BBX: variants seen among roughly 807,000 people sequenced by gnomAD.
BBX encodes the protein HMG box transcription factor BBX.
Under a neutral mutation model 100.2 loss-of-function variants are expected in BBX, and 30 were observed. The ratio of observed to expected loss-of-function variants is 0.30; its 90% confidence interval spans 0.22 to 0.41. The LOEUF (loss-of-function observed/expected upper bound fraction) is 0.41. BBX is among the 10% of genes least tolerant of loss of function. The pLI, the probability that BBX is intolerant of heterozygous loss-of-function variation, is 1.00. For missense variants in BBX, 1,023 were observed against 1,129.8 expected (o/e 0.91, Z 1.35); for synonymous variants, 376 against 388.1 (o/e 0.97, Z 0.37).
chr3:107,772,536 T>A (rs904116134), intron 10 of BBX, 92 bp from the exon 11 acceptor site: 1 of 1,311,488 alleles, frequency 7.6e-7, no homozygotes, highest in Non-Finnish European at 1.0e-6. Flanking sequence ...TTTTGATTAT[T>A]TTTAAAACAG....
chr3:107,624,615 T>C (rs1325689138), intron 2 of BBX, among the ~76,000 whole-genome samples: 4 of 152,228 alleles, frequency 2.6e-5, no homozygotes, highest in Non-Finnish European at 4.4e-5. Flanking sequence ...ATGCCTGTAA[T>C]CCCAGCACTT....
At chr3:107,697,249 G>A (rs962453182) in intron 3 of BBX, among the ~76,000 whole-genome samples, 24 of 151,930 alleles carry the variant, frequency 1.6e-4, no homozygotes, top group Admixed American at 1.3e-4. Context: ...GAGGAACTGT[G>A]TTCCTTTCGA....
At chr3:107,680,530 T>C (rs1291501353) in intron 3 of BBX, among the ~76,000 whole-genome samples, 3 of 152,104 alleles carry the variant, frequency 2.0e-5, no homozygotes, top group African/African-American at 4.8e-5. Context: ...TACCTGACAG[T>C]ATGGCTTGTT....
At chr3:107,710,826 C>G (rs1485882064) in intron 4 of BBX, among the ~76,000 whole-genome samples, 1 of 152,086 alleles carries the variant, frequency 6.6e-6, no homozygotes, top group African/African-American at 2.4e-5. Flanking sequence ...TAGACTGAGA[C>G]ACATCCTTTT....
intron 2 of BBX, among the ~76,000 whole-genome samples, chr3:107,565,547 T>C (rs954612329): frequency 2.0e-5 from 3 of 151,564 alleles, no homozygotes; most frequent in African/African-American, 7.3e-5. Context: ...CTCGGCTCAC[T>C]GCAACCTCTG....
intron 3 of BBX, among the ~76,000 whole-genome samples, chr3:107,698,219 C>T (rs2108159566): frequency 6.6e-6 from 1 of 151,870 alleles, no homozygotes; most frequent in South Asian, 2.1e-4. Flanking sequence ...CTTGGCTCCT[C>T]CCGCCTTTTA....
At chr3:107,709,402 G>C (rs937799046) in intron 3 of BBX, among the ~76,000 whole-genome samples, 1 of 152,070 alleles carries the variant, frequency 6.6e-6, no homozygotes, top group Non-Finnish European at 1.5e-5. Context: ...TTTTAACATC[G>C]TGTTAAAAGT....
chr3:107,793,533 A>G (rs1005647334), intron 15 of BBX, among the ~76,000 whole-genome samples: 3 of 152,094 alleles, frequency 2.0e-5, no homozygotes, highest in East Asian at 3.8e-4. Flanking sequence ...TGTAGTGACT[A>G]TGTGCTTTGT....
intron 3 of BBX, among the ~76,000 whole-genome samples, chr3:107,689,152 A>G (rs1318747948): frequency 6.6e-6 from 1 of 152,212 alleles, no homozygotes. Flanking sequence ...ATAGTAGTAC[A>G]TATTTTAAAA....
At chr3:107,619,406 G>A (rs776768459) in intron 2 of BBX, among the ~76,000 whole-genome samples, 19 of 151,732 alleles carry the variant, frequency 1.3e-4, no homozygotes, top group Non-Finnish European at 2.2e-4. Flanking sequence ...TAATATAATC[G>A]TCTTAAAAGC....
At chr3:107,698,283 A>G (rs2060796873) in intron 3 of BBX, among the ~76,000 whole-genome samples, 1 of 151,810 alleles carries the variant, frequency 6.6e-6, no homozygotes, top group South Asian at 2.1e-4. Flanking sequence ...ATTACCTTTT[A>G]AACTTTTACC....
chr3:107,611,024 A>G (rs1261787366), intron 2 of BBX, among the ~76,000 whole-genome samples: 1 of 151,584 alleles, frequency 6.6e-6, no homozygotes, highest in East Asian at 1.9e-4. Context: ...CATCTGTTGT[A>G]TGTTTTTAGA....
intron 17 of BBX, among the ~76,000 whole-genome samples, chr3:107,803,316 G>A (rs1021286429): frequency 1.3e-5 from 2 of 152,148 alleles, no homozygotes; most frequent in African/African-American, 4.8e-5. Context: ...TCACCCTGGA[G>A]AGTCTTAGCT....
In BBX at chr3:107,778,258, C is replaced by T. The variant is rs943889988; in HGVS notation, c.2055-113C>T. On this transcript the variant is annotated intron_variant, in intron 12 of 17. Coordinates refer to ENST00000325805, the MANE Select transcript of BBX (RefSeq NM_001142568.3). Reference sequence around the variant, plus strand: ...TTTTTCCTTGCACAGAATTTACTTACCTAATTCCCAGAGACCCTGTTTTCA... The same window carrying T: ...TTTTTCCTTGCACAGAATTTACTTATCTAATTCCCAGAGACCCTGTTTTCA... 7.7e-6 allele frequency: 10 copies of T among 1,303,608 alleles called. No individual in the cohort carries two copies. The African/African-American group carries it at 1.5e-4, about 20-fold the overall frequency. The allele number at this position is 1,303,608 out of a possible 1,614,324, so 80.8% of individuals were successfully genotyped here.
chr3:107,576,720 A>G (rs1460481213), intron 2 of BBX, among the ~76,000 whole-genome samples: 1 of 152,142 alleles, frequency 6.6e-6, no homozygotes, highest in African/African-American at 2.4e-5. Context: ...TGATCTATCT[A>G]TCTAGTTATT....
At chr3:107,608,853 C>A (rs1379800091) in intron 2 of BBX, among the ~76,000 whole-genome samples, 1 of 151,902 alleles carries the variant, frequency 6.6e-6, no homozygotes, top group African/African-American at 2.4e-5. Context: ...TTTTTGACTT[C>A]TTTTTCAGAT....
intron 3 of BBX, among the ~76,000 whole-genome samples, chr3:107,695,596 G>A (rs1394998029): frequency 6.6e-6 from 1 of 151,136 alleles, no homozygotes; most frequent in South Asian, 2.1e-4. Flanking sequence ...TACATTTGCT[G>A]AGGAGAGCTT....
intron 2 of BBX, among the ~76,000 whole-genome samples, chr3:107,576,035 C>A (rs1396985342): frequency 6.6e-6 from 1 of 151,768 alleles, no homozygotes; most frequent in Non-Finnish European, 1.5e-5. Context: ...GACTTTGTCT[C>A]AAAGTAAAGT....
In BBX at chr3:107,798,850, A is replaced by C. The variant is rs553934199; in HGVS notation, c.2551+130A>C. 2.4e-4 allele frequency: 241 copies of C among 1,007,542 alleles called. No individual in the cohort carries two copies. In the African/African-American group the frequency reaches 3.6e-3, roughly 15 times the overall value. 62.4% of individuals were successfully genotyped at this position (1,007,542 alleles called of 1,614,324 possible). A position where few individuals can be genotyped will look rare whatever the true frequency, so the allele number is the denominator to read the frequency against. ...GCCAATGAGCTAAAAAAAAAAAAAA[A>C]CAAAAACAAAAAAAACCAGGCCAGG... On this transcript the variant is annotated intron_variant, in intron 16 of 17. Transcript: ENST00000325805.
Sources: allele counts gnomAD v4.1 joint callset (sites outside exome capture counted in the v4.1 genomes callset), GRCh38; gene constraint gnomAD v4.1.1; transcripts MANE v1.5; gene names NCBI Gene and HGNC (gene_info 2026-07-23, HGNC 2026-07-21).